Variants in RGMA observed in about 807,000 individuals in gnomAD.
The protein encoded by RGMA is repulsive guidance molecule BMP co-receptor a.
RGMA carries 10 observed loss-of-function variants against 23.2 expected under a neutral mutation model. That is an observed-to-expected ratio of 0.43 (90% CI 0.27 to 0.73). The LOEUF is 0.73. RGMA is among the 30% of genes least tolerant of loss of function. The probability of loss-of-function intolerance (pLI) is 0.20; values close to 1 mark genes in which losing one functional copy is unlikely to be tolerated. For missense variants in RGMA, 547 were observed against 630.5 expected (o/e 0.87, Z 1.42); for synonymous variants, 308 against 279.3 (o/e 1.10, Z -1.03).
intron 2 of RGMA, among the ~76,000 whole-genome samples, chr15:93,057,680 A>C (rs1219028362): frequency 6.6e-6 from 1 of 152,106 alleles, no homozygotes; most frequent in Non-Finnish European, 1.5e-5. Context: ...CTCCCAAGTC[A>C]CCTCTGCAGA....
chr15:93,074,114 T>A (rs1198687688), intron 1 of RGMA: 6 of 866,268 alleles, frequency 6.9e-6, no homozygotes, highest in Middle Eastern at 4.2e-4. Context: ...CTGAGAGACA[T>A]CTTTTGGATG....
Position 93,045,453 on chromosome 15 carries a change from C to A in RGMA, c.898G>T (p.Val300Leu). ...LTFAVRMPEE[V>L]VNAVEDWDSQ... ...TCCCAGTCCTCCACAGCATTGACCA[C>A]TTCCTCTGGCATGCGGACGGCAAAG... The change falls in exon 4 of 4, where the codon GTG becomes TTG. Residue 300 changes from valine (V) to leucine (L), a missense_variant. Val to Leu is a conservative substitution (Grantham distance 32, BLOSUM62 1). Transcript: ENST00000329082. The surrounding 1 kb of genome is among the most constrained non-coding windows in gnomAD (Gnocchi z 6.9). 2 of 1,613,242 alleles carry A rather than the reference C, an allele frequency of 1.2e-6. No homozygotes were observed. Among genetic ancestry groups the A allele is most frequent in the Non-Finnish European group, 1.7e-6 (2 of 1,179,810 alleles).
At chr15:93,072,786 G>A in intron 2 of RGMA, 130 bp downstream of exon 2, 2 of 1,052,746 alleles carry the variant, frequency 1.9e-6, no homozygotes, top group Non-Finnish European at 1.4e-6. Context: ...CAAAAGACCC[G>A]TGGAAATAGG....
chr15:93,051,300 C>G (rs1036563699), intron 3 of RGMA, among the ~76,000 whole-genome samples: 2 of 152,192 alleles, frequency 1.3e-5, no homozygotes, highest in African/African-American at 4.8e-5. Context: ...CCAACTGGCT[C>G]TTCCTAGGAA....
intron 1 of RGMA, among the ~76,000 whole-genome samples, chr15:93,086,326 G>C (rs547868226): frequency 1.3e-5 from 2 of 152,202 alleles, no homozygotes; most frequent in African/African-American, 4.8e-5. Flanking sequence ...GCTGCTTTCA[G>C]ATAATCCTTC....
rs1382754940 is a variant in RGMA, at chr15:93,045,580, G to A, written c.771C>T (p.Asn257=). The change falls in exon 4 of 4, where the codon AAC becomes AAT. Residue 257 remains asparagine (N), a synonymous_variant. Transcript: ENST00000329082. This position sits in a 1 kb window ranked among gnomAD's most constrained non-coding sequence, Gnocchi z 6.9. ...ACACCTTCTCAGTGATCTTCAGGCT[G>A]TTGGCCCCGTGCTTGTCCCCACCGT... ...SKNGGDKHGA[N]SLKITEKVSG... is the part of the protein sequence containing the mutation. The A allele has an allele frequency of 1.2e-6, 2 of 1,613,332 alleles. No homozygotes were observed. Among genetic ancestry groups the A allele is most frequent in the Admixed American group, 1.7e-5 (1 of 60,028 alleles).
Position 93,036,888 on chromosome 15 carries a change from T to C in RGMA, c.*8110A>G, listed in dbSNP as rs2054667183. On this transcript the variant is annotated 3_prime_UTR_variant, in exon 4 of 4. Coordinates refer to ENST00000329082, the MANE Select transcript of RGMA (RefSeq NM_020211.3). ...GTCTGTAAACCAGGGCAATATCTGC[T>C]TTCTAGGGTTTTTGTGAAATTTGAC... 1 of 152,248 alleles carries C rather than the reference T, an allele frequency of 6.6e-6. No individual in the cohort carries two copies. The highest frequency in any genetic ancestry group is 2.4e-5 in the African/African-American group (1 of 41,450). The allele number at this position is 152,248 out of a possible 1,614,324, so 9.4% of individuals were successfully genotyped here.
rs2054816651 is a variant in RGMA, at chr15:93,045,813, G to T, written c.646-108C>A. The T allele has an allele frequency of 1.3e-6, 1 of 781,954 alleles. No individual in the cohort carries two copies. The highest frequency in any genetic ancestry group is 2.1e-6 in the Non-Finnish European group (1 of 476,834). 48.4% of individuals were successfully genotyped at this position (781,954 alleles called of 1,614,324 possible). Reference sequence around the variant, plus strand: ...GAGGAGGGCAGGAAGGATCCCCAGGGATGCCCCAGACACTCCCTTCTCCAG... The same window carrying T: ...GAGGAGGGCAGGAAGGATCCCCAGGTATGCCCCAGACACTCCCTTCTCCAG... On this transcript the variant is annotated intron_variant, in intron 3 of 3. Coordinates refer to ENST00000329082, the MANE Select transcript of RGMA (RefSeq NM_020211.3). This position sits in a 1 kb window ranked among gnomAD's most constrained non-coding sequence, Gnocchi z 6.9.
intron 3 of RGMA, among the ~76,000 whole-genome samples, chr15:93,047,832 A>G (rs539330267): frequency 1.3e-5 from 2 of 152,310 alleles, no homozygotes; most frequent in East Asian, 3.9e-4. Flanking sequence ...ATGTGTGGCG[A>G]GGGCACAGTG....
chr15:93,078,218 T>C (rs1251598875), intron 1 of RGMA, among the ~76,000 whole-genome samples: 1 of 152,178 alleles, frequency 6.6e-6, no homozygotes, highest in Non-Finnish European at 1.5e-5. Flanking sequence ...TTGATCTAGA[T>C]TTCTCTAACA....
At chr15:93,066,910 A>G (rs4778092) in intron 2 of RGMA, among the ~76,000 whole-genome samples, 95,600 of 152,156 alleles carry the variant, frequency 0.63, 30,576 homozygotes, top group East Asian at 0.96. Flanking sequence ...GCAACTGGCT[A>G]TGTGTGCAAT....
rs1226731285 is a variant in RGMA at position 93,044,081 on chromosome 15, G to C, written c.*917C>G. On this transcript the variant is annotated 3_prime_UTR_variant, in exon 4 of 4. Transcript: ENST00000329082. ...ACTCCAGACGTGGATGGACCGGGCT[G>C]GGGGCTCTTGGGGTTGTGAGGAGGA... is the stretch of plus-strand genomic sequence containing the variant. The C allele has an allele frequency of 6.6e-6, 1 of 152,428 alleles. No individual in the cohort carries two copies. The highest frequency in any genetic ancestry group is 2.4e-5 in the African/African-American group (1 of 41,466). The allele number at this position is 152,428 out of a possible 1,614,324, so 9.4% of individuals were successfully genotyped here.
In RGMA at chr15:93,040,540, C is replaced by T. The variant is rs565909991; in HGVS notation, c.*4458G>A. 14 of 152,354 alleles carry T rather than the reference C, an allele frequency of 9.2e-5. No homozygotes were observed. Among genetic ancestry groups the T allele is most frequent in the African/African-American group, 3.1e-4 (13 of 41,566 alleles). The allele number at this position is 152,354 out of a possible 1,614,324, so 9.4% of individuals were successfully genotyped here. ...TGCAGGTGAGCTAGTCGGAGGCCTCCCCTTAACCCCACCACAGATGAATGC... is the reference window on the plus strand; with the variant it reads ...TGCAGGTGAGCTAGTCGGAGGCCTCTCCTTAACCCCACCACAGATGAATGC... On this transcript the variant is annotated 3_prime_UTR_variant, in exon 4 of 4. Transcript: ENST00000329082.
chr15:93,076,648 T>A (rs938396980), intron 1 of RGMA, among the ~76,000 whole-genome samples: 1 of 152,248 alleles, frequency 6.6e-6, no homozygotes, highest in African/African-American at 2.4e-5. Flanking sequence ...TTTTACATTG[T>A]GTCAGATGCC....
At chr15:93,076,569 G>A (rs1337735102) in intron 1 of RGMA, among the ~76,000 whole-genome samples, 2 of 152,168 alleles carry the variant, frequency 1.3e-5, no homozygotes, top group Non-Finnish European at 2.9e-5. Context: ...TAAAGGAGAG[G>A]TGAGGAGTGA....
chr15:93,062,372 G>T (rs868316833), intron 2 of RGMA, among the ~76,000 whole-genome samples: 21 of 152,188 alleles, frequency 1.4e-4, no homozygotes, highest in Admixed American at 5.9e-4. Flanking sequence ...TTTAAGAATG[G>T]AAGTACGAGA....
chr15:93,050,293 A>T (rs1255955800), intron 3 of RGMA, among the ~76,000 whole-genome samples: 1 of 152,220 alleles, frequency 6.6e-6, no homozygotes, highest in Non-Finnish European at 1.5e-5. Flanking sequence ...TGAGTAACGG[A>T]GGCCTGACAG....
chr15:93,087,377 AGTT>A (rs1449227439), intron 1 of RGMA, among the ~76,000 whole-genome samples: 1 of 138,424 alleles, frequency 7.2e-6, no homozygotes, highest in African/African-American at 2.7e-5. Context: ...CGTCTGCCCC[AGTT>A]GTTAATTGGA....
intron 2 of RGMA, among the ~76,000 whole-genome samples, chr15:93,071,773 T>C (rs1190651615): frequency 5.3e-5 from 8 of 152,058 alleles, no homozygotes; most frequent in Admixed American, 5.2e-4. Flanking sequence ...CCAATCCGAG[T>C]CTAAACTCAA....
Sources: allele counts gnomAD v4.1 joint callset (sites outside exome capture counted in the v4.1 genomes callset), GRCh38; gene constraint gnomAD v4.1.1; non-coding constraint Gnocchi (gnomAD v3.1); transcripts MANE v1.5; gene names NCBI Gene and HGNC (gene_info 2026-07-23, HGNC 2026-07-21).